CCDC172: variants seen among roughly 807,000 people sequenced by gnomAD.
CCDC172 encodes coiled-coil domain-containing protein 172.
Under a neutral mutation model 38.0 loss-of-function variants are expected in CCDC172, and 30 were observed. The ratio of observed to expected loss-of-function variants is 0.79; its 90% confidence interval spans 0.59 to 1.07. The LOEUF is 1.07. CCDC172 is among the 50% of genes least tolerant of loss of function. CCDC172 has a pLI of 0.00. For synonymous variants in CCDC172, 78 were observed against 88.3 expected (o/e 0.88, Z 0.66); for missense variants, 297 against 290.1 (o/e 1.02, Z -0.17).
At chr10:116,354,031 T>G (rs965103366) in intron 5 of CCDC172, among the ~76,000 whole-genome samples, 4 of 152,202 alleles carry the variant, frequency 2.6e-5, no homozygotes, top group Non-Finnish European at 5.9e-5. Context: ...ACACAAGACC[T>G]TGTACAGTCG....
In CCDC172 at chr10:116,378,428, A is replaced by C; in HGVS notation, c.659A>C (p.Lys220Thr). 2.5e-6 allele frequency: 4 copies of C among 1,588,380 alleles called. No individual in the cohort carries two copies. Among genetic ancestry groups the C allele is most frequent in the Non-Finnish European group, 3.4e-6 (4 of 1,170,048 alleles). Residue 220 changes from lysine (K) to threonine (T), a missense_variant, in exon 8 of 9, where the codon AAA becomes ACA. By Grantham distance (78) the Lys-to-Thr change is moderately conservative. Coordinates refer to ENST00000333254, the MANE Select transcript of CCDC172 (RefSeq NM_198515.3). The stretch of plus-strand genomic sequence containing the variant: ...GAAATTTTCTTTTAAAATAGACTTA[A>C]AAAAGAATTAGAACTTTATAAGGAA... ...PQNDTECLRL[K>T]KELELYKEDD...
chr10:116,326,337 G>A (rs1844592531), intron 3 of CCDC172, among the ~76,000 whole-genome samples: 1 of 152,174 alleles, frequency 6.6e-6, no homozygotes, highest in African/African-American at 2.4e-5. Flanking sequence ...GTGCCACAAT[G>A]AAGGCCTCGC....
chr10:116,359,499 T>C (rs1353348100), intron 7 of CCDC172, among the ~76,000 whole-genome samples: 6 of 152,178 alleles, frequency 3.9e-5, no homozygotes, highest in African/African-American at 1.4e-4. Context: ...TATTCTTTGT[T>C]GTCGGGGGCT....
intron 3 of CCDC172, among the ~76,000 whole-genome samples, chr10:116,326,453 T>A (rs78960171): frequency 0.11 from 16,901 of 152,146 alleles, 1,090 homozygotes; most frequent in East Asian, 0.21. Flanking sequence ...TCTGTCTGCT[T>A]CAAATATAAC....
At chr10:116,328,220 G>A (rs1394657713) in intron 3 of CCDC172, among the ~76,000 whole-genome samples, 1 of 152,002 alleles carries the variant, frequency 6.6e-6, no homozygotes, top group Non-Finnish European at 1.5e-5. Context: ...TAAAATATAT[G>A]GTTGCAAAAG....
intron 5 of CCDC172, among the ~76,000 whole-genome samples, chr10:116,354,580 C>T (rs939966624): frequency 1.3e-5 from 2 of 152,152 alleles, no homozygotes; most frequent in African/African-American, 2.4e-5. Context: ...AAAAATTAGC[C>T]GGGCATGGTG....
intron 7 of CCDC172, among the ~76,000 whole-genome samples, chr10:116,361,579 G>A (rs952628678): frequency 8.6e-5 from 13 of 151,980 alleles, no homozygotes; most frequent in African/African-American, 3.1e-4. Flanking sequence ...CACAAGACAG[G>A]GCAATAAGAA....
At position 116,325,029 on chromosome 10, in the gene CCDC172, G is replaced by A. The variant is rs372475303; in HGVS notation, c.18G>A (p.Leu6=). MSLES[L]FQHIIFTEHQ... ...GCCCTGAGATGAGCTTGGAGTCCCT[G>A]TTTCAGCACATCATCTTCACCGAGC... Residue 6 remains leucine (L), a synonymous_variant, in exon 2 of 9, where the codon CTG becomes CTA. Coordinates refer to ENST00000333254, the MANE Select transcript of CCDC172 (RefSeq NM_198515.3). 2 of 1,614,122 alleles carry A rather than the reference G, an allele frequency of 1.2e-6. No homozygotes were observed. The highest frequency in any genetic ancestry group is 2.7e-5 in the African/African-American group (2 of 75,054).
At chr10:116,348,625 A>G (rs1331325995) in intron 5 of CCDC172, among the ~76,000 whole-genome samples, 3 of 152,164 alleles carry the variant, frequency 2.0e-5, no homozygotes, top group Non-Finnish European at 2.9e-5. Flanking sequence ...AAAAGATATT[A>G]TTAATACTGT....
chr10:116,347,406 G>C (rs938077670), intron 5 of CCDC172, among the ~76,000 whole-genome samples: 1 of 152,184 alleles, frequency 6.6e-6, no homozygotes, highest in Non-Finnish European at 1.5e-5. Flanking sequence ...GGAGCAGATT[G>C]AGGTAATAAG....
chr10:116,341,430 T>A (rs902340518), intron 4 of CCDC172, among the ~76,000 whole-genome samples: 1 of 152,070 alleles, frequency 6.6e-6, no homozygotes, highest in African/African-American at 2.4e-5. Context: ...AAAAATATGG[T>A]AATGTTTATA....
chr10:116,345,597 A>T (rs1844855973), intron 5 of CCDC172, among the ~76,000 whole-genome samples: 1 of 152,166 alleles, frequency 6.6e-6, no homozygotes, highest in Non-Finnish European at 1.5e-5. Context: ...AACATAATGA[A>T]CTCTAACAAC....
At chr10:116,336,392 G>A (rs1050776928) in intron 3 of CCDC172, among the ~76,000 whole-genome samples, 49 of 151,188 alleles carry the variant, frequency 3.2e-4, no homozygotes, top group African/African-American at 1.1e-3. Flanking sequence ...GGGAGTGGGG[G>A]TGAAAATCAT....
chr10:116,360,322 C>A (rs182454169), intron 7 of CCDC172, among the ~76,000 whole-genome samples: 6 of 152,276 alleles, frequency 3.9e-5, no homozygotes, highest in South Asian at 2.1e-4. Flanking sequence ...GCTCTCCCCC[C>A]ACTTATGGTT....
At chr10:116,350,561 G>A (rs1021199795) in intron 5 of CCDC172, among the ~76,000 whole-genome samples, 1 of 152,174 alleles carries the variant, frequency 6.6e-6, no homozygotes, top group East Asian at 1.9e-4. Context: ...AGATAAAACA[G>A]TTCATCACTT....
rs1845019505 is a variant in CCDC172, at chr10:116,357,950, C to T, written c.653+12C>T. 1 of 1,487,776 alleles carries T rather than the reference C, an allele frequency of 6.7e-7. No homozygotes were observed. Among genetic ancestry groups the T allele is most frequent in the Non-Finnish European group, 9.3e-7 (1 of 1,078,364 alleles). The allele number at this position is 1,487,776 out of a possible 1,614,324, so 92.2% of individuals were successfully genotyped here. ...ACAGAATGCTTAAGGTAAGAGTTTCCTGTTATATTTTGGCCTAAATCAGGT... is the reference window on the plus strand; with the variant it reads ...ACAGAATGCTTAAGGTAAGAGTTTCTTGTTATATTTTGGCCTAAATCAGGT... On this transcript the variant is annotated intron_variant, in intron 7 of 8. Coordinates refer to ENST00000333254, the MANE Select transcript of CCDC172 (RefSeq NM_198515.3).
At chr10:116,331,746 C>T (rs1844665727) in intron 3 of CCDC172, among the ~76,000 whole-genome samples, 1 of 152,100 alleles carries the variant, frequency 6.6e-6, no homozygotes, top group African/African-American at 2.4e-5. Flanking sequence ...ACTTATCTCT[C>T]CTGGCTGTTC....
At chr10:116,365,119 A>G (rs1054148327) in intron 7 of CCDC172, among the ~76,000 whole-genome samples, 1 of 152,160 alleles carries the variant, frequency 6.6e-6, no homozygotes, top group African/African-American at 2.4e-5. Flanking sequence ...CATGAGATCT[A>G]CTTACCATTA....
intron 5 of CCDC172, among the ~76,000 whole-genome samples, chr10:116,346,249 GC>G (rs1418086153): frequency 7.1e-6 from 1 of 141,386 alleles, no homozygotes; most frequent in Non-Finnish European, 1.5e-5. Context: ...CCAAGATCGC[GC>G]CATTGCACTC....
Sources: gnomAD v4.1 joint callset for allele counts (sites outside exome capture counted in the v4.1 genomes callset) on GRCh38, gnomAD v4.1.1 for gene constraint, MANE v1.5 for transcripts, NCBI Gene and HGNC (gene_info 2026-07-23, HGNC 2026-07-21) for gene names.